NAV1: variants seen among roughly 807,000 people sequenced by gnomAD.
The protein encoded by NAV1 is pore membrane and/or filament interacting like protein 3.
NAV1 carries 18 observed loss-of-function variants against 175.2 expected under a neutral mutation model. That is an observed-to-expected ratio of 0.10 (90% CI 0.07 to 0.15). NAV1 has a LOEUF of 0.15. NAV1 is among the 10% of genes least tolerant of loss of function. The pLI is 1.00. For synonymous variants in NAV1, 897 were observed against 978.7 expected (o/e 0.92, Z 1.56); for missense variants, 1,731 against 2,436.6 (o/e 0.71, Z 6.10).
chr1:201,825,545 A>G (rs1403534050), exon 30 of NAV1: 1 of 152,266 alleles, frequency 6.6e-6, no homozygotes, highest in East Asian at 1.9e-4. Flanking sequence ...CATAATGAAG[A>G]CACAGACCTG....
chr1:201,610,346 G>A (rs1347873492), intron 2 of NAV1, among the ~76,000 whole-genome samples: 2 of 152,202 alleles, frequency 1.3e-5, no homozygotes, highest in Non-Finnish European at 2.9e-5. Context: ...TCAGTTGGAC[G>A]GCTCTGAGTT....
At chr1:201,570,703 AGT>A (rs1351206799) in intron 1 of NAV1, among the ~76,000 whole-genome samples, 4 of 152,154 alleles carry the variant, frequency 2.6e-5, no homozygotes, top group African/African-American at 9.7e-5. Flanking sequence ...CCCAGCAGGC[AGT>A]CTCCCTTTTC....
At chr1:201,789,582 G>C (rs966558604) in intron 10 of NAV1, among the ~76,000 whole-genome samples, 158 bp from the exon 15 acceptor site, 1 of 152,084 alleles carries the variant, frequency 6.6e-6, no homozygotes, top group Non-Finnish European at 1.5e-5. Flanking sequence ...CCTTGCTTTG[G>C]GCTGTTTTGA....
chr1:201,623,727 G>A (rs931122463), intron 1 of NAV1, 121 bp downstream of exon 3: 11 of 934,382 alleles, frequency 1.2e-5, no homozygotes, highest in African/African-American at 8.9e-5. Flanking sequence ...GGCCCCAGGC[G>A]ATACAAAAAG....
chr1:201,815,402 A>G (rs1202007455), intron 28 of NAV1, among the ~76,000 whole-genome samples: 1 of 152,136 alleles, frequency 6.6e-6, no homozygotes, highest in Non-Finnish European at 1.5e-5. Context: ...TGGTTGGGGG[A>G]TGGGGAAGAA....
chr1:201,572,566 C>T (rs1666576863), intron 1 of NAV1, among the ~76,000 whole-genome samples: 1 of 151,820 alleles, frequency 6.6e-6, no homozygotes, highest in Non-Finnish European at 1.5e-5. Flanking sequence ...ACGGGGGTTT[C>T]ACCATATTGG....
intron 1 of NAV1, among the ~76,000 whole-genome samples, chr1:201,548,900 G>A (rs1205487986): frequency 1.3e-5 from 2 of 152,198 alleles, no homozygotes; most frequent in East Asian, 1.9e-4. Flanking sequence ...TAGAGTTTAC[G>A]TGGATAACCA....
rs919821134 is a variant in NAV1 at position 201,812,746 on chromosome 1, C to T, written c.5221+85C>T. 7.9e-7 allele frequency: 1 copy of T among 1,266,226 alleles called. No individual in the cohort carries two copies. The allele number at this position is 1,266,226 out of a possible 1,614,324, so 78.4% of individuals were successfully genotyped here. On this transcript the variant is annotated intron_variant, in intron 27 of 29. Coordinates refer to ENST00000367296, the Ensembl canonical transcript of NAV1. This position sits in a 1 kb window ranked among gnomAD's most constrained non-coding sequence, Gnocchi z 4.6. Reference sequence around the variant, plus strand: ...CCTGGAGGGATGCTCCCTTCTCTTCCTGGAGTCTTCGGCATGTAAAGGAGC... The same window carrying T: ...CCTGGAGGGATGCTCCCTTCTCTTCTTGGAGTCTTCGGCATGTAAAGGAGC...
At chr1:201,571,804 C>T (rs549641552) in intron 1 of NAV1, among the ~76,000 whole-genome samples, 6 of 152,318 alleles carry the variant, frequency 3.9e-5, no homozygotes, top group African/African-American at 7.2e-5. Context: ...AAATGATCAT[C>T]AATGTGTACA....
intron 2 of NAV1, among the ~76,000 whole-genome samples, chr1:201,611,755 G>A (rs1213730391): frequency 6.6e-6 from 1 of 152,206 alleles, no homozygotes; most frequent in Non-Finnish European, 1.5e-5. Flanking sequence ...TGAGCACACT[G>A]CTGGAGGCCT....
chr1:201,623,793 T>C (rs190835137), intron 1 of NAV1, among the ~76,000 whole-genome samples, 187 bp downstream of exon 3: 114 of 152,312 alleles, frequency 7.5e-4, no homozygotes, highest in East Asian at 9.7e-4. Flanking sequence ...GAGATGGGAT[T>C]GGGACCATAA....
At position 201,750,624 on chromosome 1, in the gene NAV1, G is replaced by A. The variant is rs1004063938; in HGVS notation, c.1227-29797G>A. Among the ~76,000 whole-genome samples, 2 of 152,228 alleles carry A rather than the reference G, an allele frequency of 1.3e-5. No individual in the cohort carries two copies. Among genetic ancestry groups the A allele is most frequent in the Non-Finnish European group, 2.9e-5 (2 of 68,006 alleles). Reference sequence around the variant, plus strand: ...AAGTCAGACAGAGGACATATTTTTAGTGCTCAAGTCATAGCTTGTATTTAC... The same window carrying A: ...AAGTCAGACAGAGGACATATTTTTAATGCTCAAGTCATAGCTTGTATTTAC... On this transcript the variant is annotated intron_variant, in intron 3 of 29. Coordinates refer to ENST00000367296, the Ensembl canonical transcript of NAV1. This position sits in a 1 kb window ranked among gnomAD's most constrained non-coding sequence, Gnocchi z 4.1.
At chr1:201,619,103 G>T (rs1441260065), upstream of NAV1, among the ~76,000 whole-genome samples, 1 of 152,202 alleles carries the variant, frequency 6.6e-6, no homozygotes, top group Non-Finnish European at 1.5e-5. Context: ...AGTGGAGAGG[G>T]AGGGGTAGGG....
chr1:201,703,217 C>A (rs507725), intron 1 of NAV1, among the ~76,000 whole-genome samples: 6,101 of 152,274 alleles, frequency 0.04, 162 homozygotes, highest in South Asian at 0.064. Context: ...TAATGGAAAA[C>A]ATTTTCAGTA....
At chr1:201,639,912 A>G (rs1668703537) in intron 2 of NAV1, among the ~76,000 whole-genome samples, 1 of 152,056 alleles carries the variant, frequency 6.6e-6, no homozygotes, top group Admixed American at 6.5e-5. Flanking sequence ...GTCCTTTCAC[A>G]CGGTGGGCAG....
intron 1 of NAV1, among the ~76,000 whole-genome samples, chr1:201,672,870 C>T (rs1416959810): frequency 6.6e-6 from 1 of 152,208 alleles, no homozygotes; most frequent in Non-Finnish European, 1.5e-5. Flanking sequence ...GCCCAACAGA[C>T]GCTCAAGCTC....
At chr1:201,681,634 C>A (rs1670466104) in intron 1 of NAV1, among the ~76,000 whole-genome samples, 1 of 152,190 alleles carries the variant, frequency 6.6e-6, no homozygotes, top group African/African-American at 2.4e-5. Context: ...CCTGGAAACA[C>A]CTACTTCCTC....
intron 1 of NAV1, among the ~76,000 whole-genome samples, chr1:201,569,035 C>T (rs1666452278): frequency 1.3e-5 from 2 of 152,182 alleles, no homozygotes; most frequent in South Asian, 4.1e-4. Flanking sequence ...TTCCTGTTAG[C>T]AGGACACCCA....
intron 3 of NAV1, among the ~76,000 whole-genome samples, chr1:201,774,616 C>T (rs1675816188): frequency 6.6e-6 from 1 of 152,054 alleles, no homozygotes; most frequent in Non-Finnish European, 1.5e-5. Flanking sequence ...CATAGCAAGA[C>T]CCCATCTCAA....
Sources: allele counts gnomAD v4.1 joint callset (sites outside exome capture counted in the v4.1 genomes callset), GRCh38; gene constraint gnomAD v4.1.1; non-coding constraint Gnocchi (gnomAD v3.1); transcripts MANE v1.5; gene names NCBI Gene and HGNC (gene_info 2026-07-23, HGNC 2026-07-21).